The following ERC1 variants were observed in gnomAD, a reference collection of about 807,000 sequenced individuals.
The protein encoded by ERC1 is ELKS/RAB6-interacting/CAST family member 1, also known as RAB6 interacting protein 2.
Under a neutral mutation model 132.0 loss-of-function variants are expected in ERC1, and 56 were observed. The observed-to-expected ratio is 0.42, with a 90% CI of 0.34 to 0.53. ERC1 has a LOEUF of 0.53. Among genes scored for constraint, ERC1 ranks in the 20% least tolerant of loss-of-function variants. The probability of loss-of-function intolerance (pLI) is 0.03; values close to 1 mark genes in which losing one functional copy is unlikely to be tolerated. For missense variants in ERC1, 1,202 were observed against 1,349.9 expected, an observed-to-expected ratio of 0.89 and a Z score of 1.72; for synonymous variants, 478 against 476.1, an observed-to-expected ratio of 1.00 and a Z score of -0.05.
chr12:1,116,781 C>G (rs926740626), intron 7 of ERC1, among the ~76,000 whole-genome samples: 2 of 152,090 alleles, frequency 1.3e-5, no homozygotes, highest in Admixed American at 1.3e-4. Flanking sequence ...TGGGGTTTCA[C>G]CATATTGGCC....
intron 1 of ERC1, among the ~76,000 whole-genome samples, chr12:1,004,548 A>G (rs1262160889): frequency 6.6e-6 from 1 of 151,340 alleles, no homozygotes; most frequent in Admixed American, 6.6e-5. Context: ...CTGGGATTAC[A>G]GGTGCCCACC....
chr12:1,063,004 A>G (rs1938336400), intron 2 of ERC1, among the ~76,000 whole-genome samples: 1 of 152,180 alleles, frequency 6.6e-6, no homozygotes. Context: ...TTTGATATAA[A>G]TATAGCTACT....
intron 18 of ERC1, among the ~76,000 whole-genome samples, chr12:1,461,671 AAAT>A (rs953155266): frequency 4.6e-5 from 7 of 152,118 alleles, no homozygotes; most frequent in Non-Finnish European, 8.8e-5. Context: ...CTGTCTCAAA[AAAT>A]AATAATAATA....
At chr12:1,001,204 G>A (rs973182883) in intron 1 of ERC1, among the ~76,000 whole-genome samples, 2 of 152,158 alleles carry the variant, frequency 1.3e-5, no homozygotes, top group African/African-American at 4.8e-5. Context: ...GCCGGTGCTT[G>A]CCACCTTGCC....
chr12:1,291,977 T>G (rs1339363967), intron 15 of ERC1, among the ~76,000 whole-genome samples: 2 of 152,164 alleles, frequency 1.3e-5, no homozygotes, highest in East Asian at 3.8e-4. Context: ...TGTTAGCGTT[T>G]TTCCCTTAAG....
At position 1,428,344 on chromosome 12, in the gene ERC1, A is replaced by G. The variant is rs968712068; in HGVS notation, c.3025-16218A>G. On this transcript the variant is annotated intron_variant, in intron 17 of 18. Transcript: ENST00000360905. ...TTTACCCTAAAGAAAAGTTGCATGT[A>G]TGTTATTTACAGTTTTCTGCAGTGT... Among the ~76,000 whole-genome samples the G allele has an allele frequency of 3.9e-5, 6 of 152,294 alleles. No individual in the cohort carries two copies. The East Asian group carries it at 1.2e-3, about 29-fold the overall frequency.
chr12:1,201,012 A>G lies in ERC1; in HGVS notation c.2351+10960A>G, dbSNP rs886387562. Among the ~76,000 whole-genome samples the G allele has an allele frequency of 9.2e-5, 14 of 152,204 alleles. No homozygotes were observed. The East Asian group carries it at 2.1e-3, about 23-fold the overall frequency. On this transcript the variant is annotated intron_variant, in intron 12 of 18. Coordinates refer to ENST00000360905, the MANE Select transcript of ERC1 (RefSeq NM_178040.4). The stretch of plus-strand genomic sequence containing the variant: ...TATGTTTACACATGTACATGTTTAT[A>G]TATGCATACATATATATTTGCACGT...
chr12:1,292,384 A>G (rs773127220), intron 15 of ERC1, among the ~76,000 whole-genome samples: 6 of 152,192 alleles, frequency 3.9e-5, no homozygotes, highest in Non-Finnish European at 7.3e-5. Context: ...TTAAATCACT[A>G]TACTCATTGG....
rs776174363 is a variant in ERC1, at chr12:1,293,394, A to G, written c.2780+3382A>G. ...CATCAACCCAGGAGGCGGAGCTTGC[A>G]GTGAGCTGAGATCGTGCCACTGCAC... is the stretch of plus-strand genomic sequence containing the variant. On this transcript the variant is annotated intron_variant, in intron 15 of 18. Coordinates refer to ENST00000360905, the MANE Select transcript of ERC1 (RefSeq NM_178040.4). 2.6e-4 allele frequency among the ~76,000 whole-genome samples: 33 copies of G among 126,936 alleles called. 1 individual carries two copies. The highest frequency in any genetic ancestry group is 5.0e-4 in the South Asian group (2 of 3,992). 83.3% of individuals were successfully genotyped at this position (126,936 alleles called of 152,430 possible). A position where few individuals can be genotyped will look rare whatever the true frequency, so the allele number is the denominator to read the frequency against.
At chr12:1,412,540 T>TA (rs1293278181) in intron 17 of ERC1, among the ~76,000 whole-genome samples, 1 of 152,200 alleles carries the variant, frequency 6.6e-6, no homozygotes, top group East Asian at 1.9e-4. Flanking sequence ...TTGGACAAGG[T>TA]ACGTCATTGC....
intron 1 of ERC1, among the ~76,000 whole-genome samples, chr12:1,015,603 A>G (rs1292488310): frequency 6.6e-6 from 1 of 152,184 alleles, no homozygotes; most frequent in Admixed American, 6.5e-5. Flanking sequence ...TAGTTCAACA[A>G]TGTGCACATT....
At chr12:1,327,749 G>T (rs533494699) in intron 15 of ERC1, among the ~76,000 whole-genome samples, 1 of 152,120 alleles carries the variant, frequency 6.6e-6, no homozygotes, top group Non-Finnish European at 1.5e-5. Flanking sequence ...CCATATCTCT[G>T]TTCCCAACTT....
At chr12:1,270,698 A>G (rs1385511945) in intron 14 of ERC1, among the ~76,000 whole-genome samples, 2 of 151,632 alleles carry the variant, frequency 1.3e-5, no homozygotes, top group Non-Finnish European at 2.9e-5. Context: ...ATACTATATA[A>G]CTAGTGATTC....
At chr12:1,232,607 T>C (rs181669802) in intron 12 of ERC1, among the ~76,000 whole-genome samples, 38 of 152,298 alleles carry the variant, frequency 2.5e-4, no homozygotes, top group Admixed American at 1.6e-3. Flanking sequence ...ATTTTTTTTT[T>C]CAGTTGTCAG....
At chr12:1,226,820 G>T (rs1405506510) in intron 12 of ERC1, among the ~76,000 whole-genome samples, 1 of 152,284 alleles carries the variant, frequency 6.6e-6, no homozygotes, top group South Asian at 2.1e-4. Context: ...GGGATTACAG[G>T]TGTGTACCAC....
At chr12:1,259,267 AT>A (rs1466184784) in intron 13 of ERC1, among the ~76,000 whole-genome samples, 1 of 151,840 alleles carries the variant, frequency 6.6e-6, no homozygotes, top group East Asian at 1.9e-4. Context: ...TGACATTCTT[AT>A]ATTATTGTTG....
At chr12:1,136,834 CCCTT>C (rs1420585561) in intron 7 of ERC1, among the ~76,000 whole-genome samples, 1 of 152,094 alleles carries the variant, frequency 6.6e-6, no homozygotes, top group East Asian at 1.9e-4. Flanking sequence ...TCTCTGCCTT[CCCTT>C]TTGTATCTAG....
chr12:1,168,436 C>T (rs2968875), intron 8 of ERC1, among the ~76,000 whole-genome samples: 65,243 of 149,408 alleles, frequency 0.44, 15,862 homozygotes, highest in African/African-American at 0.66. Context: ...TTTGGCACTT[C>T]TATAAAGCAG....
intron 11 of ERC1, among the ~76,000 whole-genome samples, chr12:1,183,918 G>A (rs1410063749): frequency 3.3e-5 from 5 of 151,998 alleles, no homozygotes; most frequent in African/African-American, 1.2e-4. Flanking sequence ...GGCAGATGAC[G>A]AGGTCAGGAG....
Sources: allele counts gnomAD v4.1 joint callset (sites outside exome capture counted in the v4.1 genomes callset), GRCh38; gene constraint gnomAD v4.1.1; transcripts MANE v1.5; gene names NCBI Gene and HGNC (gene_info 2026-07-23, HGNC 2026-07-21).